ROBO2: variants seen among roughly 807,000 people sequenced by gnomAD.
ROBO2 encodes the protein roundabout guidance receptor 2, also known as roundabout homolog 2.
A neutral mutation model predicts 160.8 loss-of-function variants in ROBO2; 53 were observed. The observed-to-expected ratio is 0.33, with a 90% CI of 0.26 to 0.41. The LOEUF (loss-of-function observed/expected upper bound fraction) is 0.41. Among genes scored for constraint, ROBO2 ranks in the 10% least tolerant of loss-of-function variants. The pLI is 1.00. For synonymous variants in ROBO2, 664 were observed against 611.7 expected, an observed-to-expected ratio of 1.09 and a Z score of -1.26; for missense variants, 1,577 against 1,722.4, an observed-to-expected ratio of 0.92 and a Z score of 1.49.
intron 2 of ROBO2, among the ~76,000 whole-genome samples, chr3:76,846,204 T>G (rs1197611638): frequency 6.6e-6 from 1 of 152,168 alleles, no homozygotes; most frequent in Non-Finnish European, 1.5e-5. Flanking sequence ...ATAGATGACA[T>G]TTATCATAAG....
intron 2 of ROBO2, among the ~76,000 whole-genome samples, chr3:76,574,004 A>C (rs886313365): frequency 6.6e-6 from 1 of 152,078 alleles, no homozygotes; most frequent in Admixed American, 6.6e-5. Flanking sequence ...GAAATTAATC[A>C]TGGTTATTTG....
intron 2 of ROBO2, among the ~76,000 whole-genome samples, chr3:76,416,618 C>T (rs1321837381): frequency 6.6e-6 from 1 of 152,106 alleles, no homozygotes; most frequent in East Asian, 1.9e-4. Context: ...CAGAGTAGCA[C>T]TAAGATGTTT....
chr3:76,749,581 G>A (rs953397026), intron 2 of ROBO2, among the ~76,000 whole-genome samples: 3 of 152,010 alleles, frequency 2.0e-5, no homozygotes, highest in Non-Finnish European at 2.9e-5. Flanking sequence ...CCAGGAAGAA[G>A]CTTCAATTTG....
intron 2 of ROBO2, among the ~76,000 whole-genome samples, chr3:75,974,559 A>G (rs193257955): frequency 6.6e-6 from 1 of 151,746 alleles, no homozygotes; most frequent in Non-Finnish European, 1.5e-5. Context: ...ATCAACAGAC[A>G]ATTTAACTTT....
chr3:76,231,232 T>A (rs569152377), intron 2 of ROBO2, among the ~76,000 whole-genome samples: 2 of 152,188 alleles, frequency 1.3e-5, no homozygotes, highest in Non-Finnish European at 2.9e-5. Flanking sequence ...GCGTAATACA[T>A]GAAGAGCAAT....
At chr3:76,374,132 T>G (rs73840919) in intron 2 of ROBO2, among the ~76,000 whole-genome samples, 3,236 of 152,020 alleles carry the variant, frequency 0.021, 105 homozygotes, top group African/African-American at 0.074. Flanking sequence ...GACAAACTTG[T>G]ATTCAATATA....
chr3:77,116,397 G>A (rs767751217), intron 2 of ROBO2, among the ~76,000 whole-genome samples: 7 of 152,132 alleles, frequency 4.6e-5, no homozygotes, highest in South Asian at 4.1e-4. Context: ...CTTGATGACT[G>A]AAGGGTATTT....
intron 2 of ROBO2, among the ~76,000 whole-genome samples, chr3:76,367,610 C>T (rs776813577): frequency 2.1e-4 from 32 of 151,910 alleles, no homozygotes; most frequent in Non-Finnish European, 4.1e-4. Flanking sequence ...GGAAACTACA[C>T]AAAAATGAAG....
intron 2 of ROBO2, among the ~76,000 whole-genome samples, chr3:77,475,925 A>G (rs1340117597): frequency 2.6e-5 from 4 of 152,194 alleles, no homozygotes; most frequent in Non-Finnish European, 5.9e-5. Context: ...GCTAAAATGG[A>G]ACACATTTCT....
chr3:76,680,410 T>C (rs1174571887), intron 2 of ROBO2, among the ~76,000 whole-genome samples: 2 of 151,938 alleles, frequency 1.3e-5, no homozygotes, highest in Non-Finnish European at 2.9e-5. Context: ...GTTACCTCTT[T>C]CCTTTCTTTT....
chr3:77,321,683 G>C (rs1402776250), intron 2 of ROBO2, among the ~76,000 whole-genome samples: 1 of 152,100 alleles, frequency 6.6e-6, no homozygotes, highest in African/African-American at 2.4e-5. Flanking sequence ...TCACATTCAT[G>C]TAACCACTAC....
chr3:76,617,872 G>A (rs1325843519), intron 2 of ROBO2, among the ~76,000 whole-genome samples: 2 of 151,610 alleles, frequency 1.3e-5, no homozygotes, highest in Non-Finnish European at 2.9e-5. Context: ...TGAGAGCTTA[G>A]CAAAGGAGGA....
chr3:77,022,002 A>G (rs963095710), intron 2 of ROBO2, among the ~76,000 whole-genome samples: 1 of 152,170 alleles, frequency 6.6e-6, no homozygotes, highest in Non-Finnish European at 1.5e-5. Context: ...ACACTTTAGG[A>G]GGCAGAAGTG....
rs868150207 is a variant in ROBO2, at chr3:77,244,839, T to C, written c.388+146499T>C. ...CTTGCAGTGAGCCGAGATCCTGCCA[T>C]TGCACTCCAGCCTGGGTGACAGAGT... is the stretch of plus-strand genomic sequence containing the variant. On this transcript the variant is annotated intron_variant, in intron 2 of 25. Coordinates refer to ENST00000461745, the Ensembl canonical transcript of ROBO2. 1.1e-3 allele frequency among the ~76,000 whole-genome samples: 162 copies of C among 149,018 alleles called. 3 individuals carry two copies. Among genetic ancestry groups the C allele is most frequent in the Middle Eastern group, 7.0e-3 (2 of 286 alleles).
chr3:76,499,524 T>A (rs1046085483), intron 2 of ROBO2, among the ~76,000 whole-genome samples: 1 of 152,142 alleles, frequency 6.6e-6, no homozygotes, highest in Non-Finnish European at 1.5e-5. Flanking sequence ...CCTAAATTAT[T>A]CCTTCTGGAC....
chr3:76,869,342 G>GTTTTTTTTTTTTTTTTTTTT (rs34051755), intron 2 of ROBO2, among the ~76,000 whole-genome samples: 1 of 71,356 alleles, frequency 1.4e-5, no homozygotes, highest in Non-Finnish European at 2.6e-5. Context: ...AGAAATTGAT[G>GTTTTTTTTTTTTTTTTTTTT]TTTTTTTTTT....
At chr3:76,665,330 T>TA (rs1333831289) in intron 2 of ROBO2, among the ~76,000 whole-genome samples, 3 of 152,166 alleles carry the variant, frequency 2.0e-5, no homozygotes, top group Non-Finnish European at 2.9e-5. Context: ...TTTGAATAAT[T>TA]AATATTTCAA....
In ROBO2 at chr3:77,551,543, T is replaced by C. The variant is rs112760057; in HGVS notation, c.1231+554T>C. Among the ~76,000 whole-genome samples, 345 of 152,150 alleles carry C rather than the reference T, an allele frequency of 2.3e-3. 2 individuals carry two copies. Among genetic ancestry groups the C allele is most frequent in the African/African-American group, 6.6e-3 (276 of 41,524 alleles). ...ATCTTAACTGAGGCACCTACATTCA[T>C]AGTGAAAGTTGAAAAGGATGAAGGG... On this transcript the variant is annotated intron_variant, in intron 8 of 25. Transcript: ENST00000461745.
intron 2 of ROBO2, among the ~76,000 whole-genome samples, chr3:76,060,923 C>A (rs1356628766): frequency 4.6e-5 from 7 of 152,098 alleles, no homozygotes; most frequent in Non-Finnish European, 1.0e-4. Flanking sequence ...GTTCTTCCAC[C>A]TTGGACTCAG....
Sources: allele counts gnomAD v4.1 joint callset (sites outside exome capture counted in the v4.1 genomes callset), GRCh38; gene constraint gnomAD v4.1.1; transcripts MANE v1.5; gene names NCBI Gene and HGNC (gene_info 2026-07-23, HGNC 2026-07-21).